ZNG1C: variants seen among roughly 807,000 people sequenced by gnomAD.
ZNG1C encodes Zn regulated GTPase metalloprotein activator 1C.
At chr9:68,257,901 G>C in the ZNG1C span, among the ~76,000 whole-genome samples, 6 of 145,516 alleles carry the variant, frequency 4.1e-5, no homozygotes, top group South Asian at 1.4e-3. Context: ...CCATCATTGA[G>C]CTCTAATATA....
the ZNG1C span, among the ~76,000 whole-genome samples, chr9:68,246,838 G>GT: frequency 0.8 from 70,200 of 88,088 alleles, 28,124 homozygotes; most frequent in Middle Eastern, 0.91. Flanking sequence ...AAAAGTTTAG[G>GT]TTTTTTTTTT....
At chr9:68,276,624 G>A in the ZNG1C span, among the ~76,000 whole-genome samples, 1 of 141,414 alleles carries the variant, frequency 7.1e-6, no homozygotes, top group South Asian at 2.3e-4. Flanking sequence ...TAGATATGCG[G>A]CGTTATTTCT....
chr9:68,291,831 G>C, the ZNG1C span, among the ~76,000 whole-genome samples: 1 of 150,712 alleles, frequency 6.6e-6, no homozygotes, highest in South Asian at 2.1e-4. Context: ...TACCACAACT[G>C]ACACTCTCTG....
At chr9:68,293,171 A>G in the ZNG1C span, among the ~76,000 whole-genome samples, 1 of 152,258 alleles carries the variant, frequency 6.6e-6, no homozygotes, top group African/African-American at 2.4e-5. Flanking sequence ...AGGAACTCTA[A>G]ATCTTGAAAC....
the ZNG1C span, among the ~76,000 whole-genome samples, chr9:68,293,995 C>T: frequency 2.0e-5 from 3 of 150,514 alleles, no homozygotes; most frequent in East Asian, 5.9e-4. Context: ...TTTCTCAGAC[C>T]ACAGTGGAAT....
chr9:68,296,169 C>A, the ZNG1C span, among the ~76,000 whole-genome samples: 8 of 151,648 alleles, frequency 5.3e-5, no homozygotes, highest in South Asian at 1.7e-3. Context: ...TTCACAGTGA[C>A]CTGGATAAGA....
At chr9:68,257,012 CTTGGTTTTTTTTTTTG>C in the ZNG1C span, 1 of 165,950 alleles carries the variant, frequency 6.0e-6, no homozygotes, top group African/African-American at 1.1e-4. Context: ...TTTTATCTTT[CTTGGTTTTTTTTTTTG>C]TTTTTTTTTT....
chr9:68,270,806 C>G, the ZNG1C span: 1 of 150,734 alleles, frequency 6.6e-6, no homozygotes, highest in Non-Finnish European at 1.5e-5. Context: ...TGGCGTGAAC[C>G]CGGGAGGCGG....
At chr9:68,296,598 A>G in the ZNG1C span, among the ~76,000 whole-genome samples, 4 of 152,264 alleles carry the variant, frequency 2.6e-5, no homozygotes, top group African/African-American at 4.8e-5. Flanking sequence ...GGTGAGTAAA[A>G]TTGCTAGGCC....
At chr9:68,274,533 T>A in the ZNG1C span, 1 of 127,766 alleles carries the variant, frequency 7.8e-6, no homozygotes, top group South Asian at 2.7e-4. Flanking sequence ...GGAATGTACC[T>A]ATTTGTTAAT....
chr9:68,264,855 A>ATG, the ZNG1C span, among the ~76,000 whole-genome samples: 521 of 72,004 alleles, frequency 7.2e-3, 11 homozygotes, highest in South Asian at 0.014. Context: ...ATATATATAT[A>ATG]TGTATAATAA....
At chr9:68,247,538 T>C in the ZNG1C span, 103 of 1,396,056 alleles carry the variant, frequency 7.4e-5, 1 homozygote, top group African/African-American at 1.3e-3. Context: ...ATCTCCATTA[T>C]TGAGTTATCC....
chr9:68,296,510 G>A, the ZNG1C span, among the ~76,000 whole-genome samples: 8 of 152,266 alleles, frequency 5.3e-5, no homozygotes, highest in Non-Finnish European at 1.2e-4. Context: ...ATACTTTAGC[G>A]ATTCTCTTGA....
At chr9:68,264,873 T>A in the ZNG1C span, among the ~76,000 whole-genome samples, 60 of 84,360 alleles carry the variant, frequency 7.1e-4, no homozygotes, top group East Asian at 1.2e-3. Context: ...TAATAATTAT[T>A]ATTATTATTT....
At chr9:68,270,869 C>G in the ZNG1C span, 1 of 145,510 alleles carries the variant, frequency 6.9e-6, no homozygotes, top group African/African-American at 2.5e-5. Context: ...GGTGACAGAG[C>G]GAGACTCTGT....
chr9:68,268,617 CTATT>C, the ZNG1C span, among the ~76,000 whole-genome samples: 1 of 152,222 alleles, frequency 6.6e-6, no homozygotes, highest in Admixed American at 6.5e-5. Flanking sequence ...GGATAACTGA[CTATT>C]TATGAATGAT....
the ZNG1C span, among the ~76,000 whole-genome samples, chr9:68,293,979 A>G: frequency 1.3e-5 from 2 of 149,636 alleles, no homozygotes; most frequent in Admixed American, 1.3e-4. Flanking sequence ...AAATTATATC[A>G]AGCACTTTCT....
chr9:68,297,247 T>C, the ZNG1C span, among the ~76,000 whole-genome samples: 1 of 149,000 alleles, frequency 6.7e-6, no homozygotes, highest in Non-Finnish European at 1.5e-5. Context: ...GTGAGTACAT[T>C]GTATGTGTTA....
At chr9:68,276,278 T>A in the ZNG1C span, among the ~76,000 whole-genome samples, 3 of 131,128 alleles carry the variant, frequency 2.3e-5, no homozygotes. Context: ...GATGGTAGTT[T>A]CTTTTGCTGT....
Sources: gnomAD v4.1 joint callset for allele counts (sites outside exome capture counted in the v4.1 genomes callset) on GRCh38, gnomAD v4.1.1 for gene constraint, MANE v1.5 for transcripts, NCBI Gene and HGNC (gene_info 2026-07-23, HGNC 2026-07-21) for gene names.